Variants in KLF12 observed in about 807,000 individuals in gnomAD.
KLF12 encodes Krueppel-like factor 12.
KLF12 carries 9 observed loss-of-function variants against 37.8 expected under a neutral mutation model. That is an observed-to-expected ratio of 0.24 (90% CI 0.14 to 0.42). The LOEUF (loss-of-function observed/expected upper bound fraction) is 0.42. Among genes scored for constraint, KLF12 ranks in the 10% least tolerant of loss-of-function variants. KLF12 has a pLI of 1.00. For synonymous variants in KLF12, 208 were observed against 202.1 expected, an observed-to-expected ratio of 1.03 and a Z score of -0.25; for missense variants, 411 against 516.0, an observed-to-expected ratio of 0.80 and a Z score of 1.97.
At chr13:73,774,429 C>A (rs976506126) in intron 5 of KLF12, among the ~76,000 whole-genome samples, 3 of 151,910 alleles carry the variant, frequency 2.0e-5, no homozygotes, top group African/African-American at 7.3e-5. Flanking sequence ...GTTCTTTGGA[C>A]CTGCATCGGC....
chr13:74,066,915 T>C (rs551095318), intron 1 of KLF12, among the ~76,000 whole-genome samples: 12 of 152,254 alleles, frequency 7.9e-5, no homozygotes, highest in Admixed American at 5.9e-4. Context: ...AATAGGTACT[T>C]TGAAGACCAT....
chr13:74,105,962 A>G (rs1055549942), intron 1 of KLF12, among the ~76,000 whole-genome samples: 3 of 152,174 alleles, frequency 2.0e-5, no homozygotes, highest in Non-Finnish European at 4.4e-5. Context: ...TAGCAATGAC[A>G]TGGCAATTTC....
the KLF12 span, among the ~76,000 whole-genome samples, chr13:74,223,359 T>G: frequency 6.6e-6 from 1 of 152,228 alleles, no homozygotes; most frequent in Non-Finnish European, 1.5e-5. Flanking sequence ...GAAAATCTAC[T>G]GAGAACCCCC....
the KLF12 span, among the ~76,000 whole-genome samples, chr13:74,245,754 T>C: frequency 6.6e-6 from 1 of 152,238 alleles, no homozygotes; most frequent in Non-Finnish European, 1.5e-5. Flanking sequence ...GATAGTCACC[T>C]AATACAGTTT....
At chr13:74,216,278 G>T in the KLF12 span, among the ~76,000 whole-genome samples, 8 of 152,286 alleles carry the variant, frequency 5.3e-5, no homozygotes, top group East Asian at 1.9e-4. Flanking sequence ...AAACAGAAGA[G>T]AACCTAATTT....
chr13:73,779,043 C>T (rs1880800934), intron 5 of KLF12, among the ~76,000 whole-genome samples: 2 of 152,140 alleles, frequency 1.3e-5, no homozygotes, highest in African/African-American at 2.4e-5. Context: ...TTTATCAATA[C>T]ACAGCATATA....
chr13:74,163,835 C>T, the KLF12 span, among the ~76,000 whole-genome samples: 1 of 48,618 alleles, frequency 2.1e-5, no homozygotes, highest in Admixed American at 2.4e-4. Context: ...ATCTTGTGCA[C>T]CCCGTATATA....
chr13:73,770,165 T>C (rs1182689144), intron 5 of KLF12, among the ~76,000 whole-genome samples: 1 of 152,220 alleles, frequency 6.6e-6, no homozygotes, highest in Admixed American at 6.5e-5. Context: ...AGAATTTTCC[T>C]ATGCAGAATT....
At chr13:74,242,945 T>C in the KLF12 span, among the ~76,000 whole-genome samples, 1 of 152,124 alleles carries the variant, frequency 6.6e-6, no homozygotes, top group South Asian at 2.1e-4. Context: ...TGAGAGCACT[T>C]TTCTTTTCTT....
At chr13:73,733,091 C>T (rs576053729) in intron 6 of KLF12, among the ~76,000 whole-genome samples, 1 of 152,184 alleles carries the variant, frequency 6.6e-6, no homozygotes, top group Non-Finnish European at 1.5e-5. Flanking sequence ...AACTGGAATC[C>T]CTGCTCCCAC....
Position 73,687,602 on chromosome 13 carries a change from A to G in KLF12, c.*7888T>C, listed in dbSNP as rs1873570788. On this transcript the variant is annotated 3_prime_UTR_variant, in exon 8 of 8. Transcript: ENST00000377669. ...TGCCATATCTTTGGAGCATGAAATT[A>G]GCAGAAAGGGAAGATGTTGGTATGT... 6.6e-6 allele frequency: 1 copy of G among 152,148 alleles called. No individual in the cohort carries two copies. Among genetic ancestry groups the G allele is most frequent in the Non-Finnish European group, 1.5e-5 (1 of 68,014 alleles). 9.4% of individuals were successfully genotyped at this position (152,148 alleles called of 1,614,324 possible).
At chr13:74,237,176 C>A in the KLF12 span, among the ~76,000 whole-genome samples, 1 of 123,514 alleles carries the variant, frequency 8.1e-6, no homozygotes, top group East Asian at 2.1e-4. Flanking sequence ...CCAGTTTTCC[C>A]AGCACCATTT....
rs115601421 is a variant in KLF12 at position 73,915,398 on chromosome 13, G to A, written c.123+28583C>T. Among the ~76,000 whole-genome samples, 254 of 152,218 alleles carry A rather than the reference G, an allele frequency of 1.7e-3. 1 individual carries two copies. The highest frequency in any genetic ancestry group is 6.0e-3 in the African/African-American group (248 of 41,550). ...TTCAGCCTCCCACAGCCTCATTTCC[G>A]TAGAAGTGTTGCCTTTCCAAGATTG... On this transcript the variant is annotated intron_variant, in intron 3 of 7. Coordinates refer to ENST00000377669, the MANE Select transcript of KLF12 (RefSeq NM_007249.5).
Position 73,865,292 on chromosome 13 carries a change from C to G in KLF12, c.124-18919G>C, listed in dbSNP as rs536660575. ...TTATGAAAGGGACCCAAAGTGATGA[C>G]ATGCAAAATAATCTGGACAATTTAT... On this transcript the variant is annotated intron_variant, in intron 3 of 7. Coordinates refer to ENST00000377669, the MANE Select transcript of KLF12 (RefSeq NM_007249.5). Among the ~76,000 whole-genome samples the G allele has an allele frequency of 9.2e-5, 14 of 152,166 alleles. No homozygotes were observed. The South Asian group carries it at 2.9e-3, about 32-fold the overall frequency.
At chr13:73,821,271 C>T (rs1883511611) in intron 4 of KLF12, among the ~76,000 whole-genome samples, 1 of 152,160 alleles carries the variant, frequency 6.6e-6, no homozygotes, top group Middle Eastern at 3.2e-3. Context: ...TCCATAATTT[C>T]CCCAATTTCA....
chr13:73,832,724 G>A (rs1385982842), intron 4 of KLF12, among the ~76,000 whole-genome samples: 1 of 152,186 alleles, frequency 6.6e-6, no homozygotes, highest in Non-Finnish European at 1.5e-5. Flanking sequence ...TTCTCACAGA[G>A]AGATATTTAA....
chr13:73,986,076 T>C (rs1891821132), intron 2 of KLF12, among the ~76,000 whole-genome samples: 1 of 152,200 alleles, frequency 6.6e-6, no homozygotes, highest in African/African-American at 2.4e-5. Flanking sequence ...CCAAACATGT[T>C]TCCTGAAACT....
chr13:74,189,475 C>T, the KLF12 span, among the ~76,000 whole-genome samples: 1,509 of 152,266 alleles, frequency 9.9e-3, 26 homozygotes, highest in African/African-American at 0.031. Context: ...TGAGGGACTG[C>T]CCCCATTCAA....
chr13:74,233,985 A>G, the KLF12 span, among the ~76,000 whole-genome samples: 1 of 152,240 alleles, frequency 6.6e-6, no homozygotes, highest in South Asian at 2.1e-4. Context: ...TACAAGTTCT[A>G]TATGAAGAAA....
Sources: gnomAD v4.1 joint callset for allele counts (sites outside exome capture counted in the v4.1 genomes callset) on GRCh38, gnomAD v4.1.1 for gene constraint, MANE v1.5 for transcripts, NCBI Gene and HGNC (gene_info 2026-07-23, HGNC 2026-07-21) for gene names.